The following PLD5 variants were observed in gnomAD, a reference collection of about 807,000 sequenced individuals.
PLD5 encodes the protein inactive phospholipase D5.
A neutral mutation model predicts 61.1 loss-of-function variants in PLD5; 36 were observed. The observed-to-expected ratio is 0.59, with a 90% CI of 0.45 to 0.78. The LOEUF (loss-of-function observed/expected upper bound fraction) is 0.78, where lower values mean the gene tolerates loss of function less well. Among genes scored for constraint, PLD5 ranks in the 30% least tolerant of loss-of-function variants. The probability of loss-of-function intolerance (pLI) is 0.00; values close to 1 mark genes in which losing one functional copy is unlikely to be tolerated. For missense variants in PLD5, 515 were observed against 644.4 expected, an observed-to-expected ratio of 0.80 and a Z score of 2.17; for synonymous variants, 243 against 242.8, an observed-to-expected ratio of 1.00 and a Z score of -0.01.
rs562633975 is a variant in PLD5, at chr1:242,215,364, C to G, written c.735+4624G>C. 1.5e-4 allele frequency among the ~76,000 whole-genome samples: 23 copies of G among 152,066 alleles called. No homozygotes were observed. In the Middle Eastern group the frequency reaches 0.01, roughly 67 times the overall value. On this transcript the variant is annotated intron_variant, in intron 5 of 9. Transcript: ENST00000536534. ...CAAGCCATAGTAAAACATGCCCGTT[C>G]AACTCTTAAAAATATGCTCAAAAAA...
At position 242,414,415 on chromosome 1, in the gene PLD5, A is replaced by C. The variant is rs116636389; in HGVS notation, c.190-66173T>G. Among the ~76,000 whole-genome samples the C allele has an allele frequency of 5.0e-3, 764 of 152,318 alleles. 8 individuals are homozygous for C. Among genetic ancestry groups the C allele is most frequent in the African/African-American group, 0.017 (716 of 41,572 alleles). The stretch of plus-strand genomic sequence containing the variant: ...TACCCAGAGGAAATGGCTCTATGGA[A>C]ACATAAATAATACAGGTCAAATACA... On this transcript the variant is annotated intron_variant, in intron 1 of 9. Transcript: ENST00000536534.
upstream of PLD5, among the ~76,000 whole-genome samples, chr1:242,527,265 G>A (rs1669471104): frequency 6.6e-6 from 1 of 151,518 alleles, no homozygotes; most frequent in South Asian, 2.1e-4. Flanking sequence ...CAAGTTGCTG[G>A]AATTATAGGC....
intron 1 of PLD5, among the ~76,000 whole-genome samples, chr1:242,495,921 C>T (rs1189215574): frequency 1.3e-5 from 2 of 152,238 alleles, no homozygotes; most frequent in Non-Finnish European, 2.9e-5. Context: ...TAACCTTCCA[C>T]ATGTTGTCGT....
intron 2 of PLD5, among the ~76,000 whole-genome samples, chr1:242,300,747 CAGCGGGACAAGGGT>C (rs1558443549): frequency 2.0e-4 from 1 of 4,982 alleles, no homozygotes; most frequent in Non-Finnish European, 8.4e-4. Flanking sequence ...AAATGGGTTG[CAGCGGGACAAGGGT>C]TGCAGCGGGA....
chr1:242,201,106 G>A (rs927107462), intron 5 of PLD5, among the ~76,000 whole-genome samples: 5 of 152,180 alleles, frequency 3.3e-5, no homozygotes, highest in Non-Finnish European at 7.4e-5. Flanking sequence ...GTTGGTGGGT[G>A]GGGGTTAAGA....
In PLD5 at chr1:242,212,573, T is replaced by C. The variant is rs183293514; in HGVS notation, c.735+7415A>G. Reference sequence around the variant, plus strand: ...CTGCTGGGGATGGGCAGGAGGCACATGCAGGAAGGTTTGTGCAGCAGGCAG... The same window carrying C: ...CTGCTGGGGATGGGCAGGAGGCACACGCAGGAAGGTTTGTGCAGCAGGCAG... On this transcript the variant is annotated intron_variant, in intron 5 of 9. Coordinates refer to ENST00000536534, the MANE Select transcript of PLD5 (RefSeq NM_001372062.1). Among the ~76,000 whole-genome samples, 14 of 152,150 alleles carry C rather than the reference T, an allele frequency of 9.2e-5. No individual in the cohort carries two copies. The East Asian group carries it at 1.6e-3, about 17-fold the overall frequency.
chr1:242,267,460 T>C (rs1278370118), intron 3 of PLD5, among the ~76,000 whole-genome samples: 1 of 152,198 alleles, frequency 6.6e-6, no homozygotes, highest in Non-Finnish European at 1.5e-5. Context: ...GAAATAAAAG[T>C]TGCTCAAAGT....
chr1:242,484,647 C>G (rs1420379054), intron 1 of PLD5, among the ~76,000 whole-genome samples: 1 of 152,170 alleles, frequency 6.6e-6, no homozygotes, highest in East Asian at 1.9e-4. Context: ...GGAGCTGGTA[C>G]CATTCCTTCT....
chr1:242,166,310 A>G (rs1666298570), intron 5 of PLD5, among the ~76,000 whole-genome samples: 1 of 152,208 alleles, frequency 6.6e-6, no homozygotes, highest in African/African-American at 2.4e-5. Context: ...CTCCAGCCAA[A>G]AGAAGCGTTC....
At chr1:242,173,356 C>G (rs1438794607) in intron 5 of PLD5, among the ~76,000 whole-genome samples, 1 of 152,088 alleles carries the variant, frequency 6.6e-6, no homozygotes, top group Non-Finnish European at 1.5e-5. Context: ...ATGTGAAGGA[C>G]CTCTTCAAGG....
chr1:242,318,128 T>TA (rs1225709158), intron 2 of PLD5, among the ~76,000 whole-genome samples: 1 of 151,466 alleles, frequency 6.6e-6, no homozygotes, highest in Non-Finnish European at 1.5e-5. Flanking sequence ...AAAAAGGGAG[T>TA]AATAATGGCA....
rs865826272 is a variant in PLD5 at position 242,520,611 on chromosome 1, C to T, written c.189+3477G>A. On this transcript the variant is annotated intron_variant, in intron 1 of 9. Coordinates refer to ENST00000536534, the MANE Select transcript of PLD5 (RefSeq NM_001372062.1). Reference sequence around the variant, plus strand: ...GGCATCTCCATCTTCATAAATAGCACCAGGAAACCTCCGTACAGTGCAGCT... The same window carrying T: ...GGCATCTCCATCTTCATAAATAGCATCAGGAAACCTCCGTACAGTGCAGCT... Among the ~76,000 whole-genome samples, 8 of 152,276 alleles carry T rather than the reference C, an allele frequency of 5.3e-5. No homozygotes were observed. The Middle Eastern group carries it at 0.01, about 194-fold the overall frequency.
intron 4 of PLD5, 90 bp from the exon 5 acceptor site, chr1:242,220,205 C>T (rs1402014945): frequency 6.7e-7 from 1 of 1,490,320 alleles, no homozygotes. Flanking sequence ...TCATGGTTCA[C>T]CATTTGTCCC....
rs143311771 is a variant in PLD5, at chr1:242,179,694, A to AAAG, written c.735+40291_735+40293dup. On this transcript the variant is annotated intron_variant, in intron 5 of 9. Transcript: ENST00000536534. ...GAGGCGGGCAGATCACTTGAGGTCA[A>AAAG]AAGTTTGAGACCATCCTGGCCAGCA... Among the ~76,000 whole-genome samples the AAAG allele has an allele frequency of 6.5e-3, 991 of 152,250 alleles. 9 individuals carry two copies. Among genetic ancestry groups the AAAG allele is most frequent in the African/African-American group, 0.023 (947 of 41,566 alleles).
At chr1:242,211,891 A>T (rs1669846999) in intron 5 of PLD5, among the ~76,000 whole-genome samples, 1 of 152,194 alleles carries the variant, frequency 6.6e-6, no homozygotes, top group South Asian at 2.1e-4. Flanking sequence ...AAGCTAGTGG[A>T]GCCTATGTTT....
At chr1:242,165,911 T>G (rs1410626074) in intron 5 of PLD5, among the ~76,000 whole-genome samples, 2 of 152,200 alleles carry the variant, frequency 1.3e-5, no homozygotes, top group African/African-American at 2.4e-5. Flanking sequence ...TTGTACAAAC[T>G]ACTAGCTGCC....
At chr1:242,215,719 C>G (rs1435724736) in intron 5 of PLD5, among the ~76,000 whole-genome samples, 1 of 152,116 alleles carries the variant, frequency 6.6e-6, no homozygotes, top group African/African-American at 2.4e-5. Flanking sequence ...CCCTACAGGA[C>G]CCACAGCCCC....
At position 242,090,010 on chromosome 1, in the gene PLD5, T is replaced by C; in HGVS notation, c.1455A>G (p.Gln485=). The C allele has an allele frequency of 1.2e-6, 2 of 1,614,220 alleles. No homozygotes were observed. Among genetic ancestry groups the C allele is most frequent in the Non-Finnish European group, 8.5e-7 (1 of 1,180,042 alleles). Residue 485 remains glutamine, a synonymous_variant, in exon 10 of 10, where the codon CAA becomes CAG. Coordinates refer to ENST00000536534, the MANE Select transcript of PLD5 (RefSeq NM_001372062.1). ...AGTCCCTTTCAAACACATCTTTAAG[T>C]TGCTTAATGATGCTTCTGTTGTTCC... ...DVRNNRSIIK[Q]LKDVFERDWY...
intron 1 of PLD5, among the ~76,000 whole-genome samples, chr1:242,377,972 A>G (rs1213625033): frequency 6.6e-6 from 1 of 152,174 alleles, no homozygotes; most frequent in Non-Finnish European, 1.5e-5. Context: ...TCTCAGAAAA[A>G]TTTAAGATAA....
Sources: allele counts gnomAD v4.1 joint callset (sites outside exome capture counted in the v4.1 genomes callset), GRCh38; gene constraint gnomAD v4.1.1; transcripts MANE v1.5; gene names NCBI Gene and HGNC (gene_info 2026-07-23, HGNC 2026-07-21).